Variants in PTAFR observed in about 807,000 individuals in gnomAD.
PTAFR encodes the protein platelet activating factor receptor.
A neutral mutation model predicts 14.7 loss-of-function variants in PTAFR; 8 were observed. The observed-to-expected ratio is 0.54, with a 90% CI of 0.32 to 0.98. The LOEUF is 0.98. Ranked by LOEUF, PTAFR falls within the 50% of genes least tolerant of loss-of-function variation. The pLI is 0.04. For synonymous variants in PTAFR, 156 were observed against 176.5 expected (o/e 0.88, Z 0.92); for missense variants, 337 against 451.2 (o/e 0.75, Z 2.29).
chr1:28,177,348 C>G (rs1572046208), upstream of PTAFR, among the ~76,000 whole-genome samples: 2 of 152,114 alleles, frequency 1.3e-5, no homozygotes, highest in East Asian at 3.9e-4. Context: ...GCAGGGCCTC[C>G]CTGGAGACCA....
intron 1 of PTAFR, among the ~76,000 whole-genome samples, chr1:28,164,741 C>A (rs1421739848): frequency 2.0e-5 from 3 of 152,226 alleles, no homozygotes; most frequent in African/African-American, 7.2e-5. Context: ...CTGCTAGAAG[C>A]AAACTGCTCC....
intron 1 of PTAFR, among the ~76,000 whole-genome samples, chr1:28,170,147 T>C (rs752476645): frequency 2.6e-5 from 4 of 152,182 alleles, no homozygotes; most frequent in Non-Finnish European, 5.9e-5. Flanking sequence ...TGCATTATCA[T>C]AGCTGTTGAT....
intron 1 of PTAFR, among the ~76,000 whole-genome samples, chr1:28,159,837 A>G (rs926691859): frequency 4.6e-5 from 7 of 151,906 alleles, no homozygotes; most frequent in Non-Finnish European, 8.8e-5. Context: ...AAAAAAAAAA[A>G]AAGAAGTTTG....
In PTAFR at chr1:28,183,419, AGGCTG is replaced by A. The variant is rs1223781133; in HGVS notation, c.-39+10298_-39+10302del. Among the ~76,000 whole-genome samples, 3 of 152,344 alleles carry A rather than the reference AGGCTG, an allele frequency of 2.0e-5. No homozygotes were observed. The East Asian group carries it at 5.8e-4, about 29-fold the overall frequency. ...AAGAATAAATTAAATATTATAAGTA[AGGCTG>A]GGCACAGTGTCTCACGCCTATAAAA... On this transcript the variant is annotated intron_variant, in intron 1 of 1. Coordinates refer to the PTAFR transcript ENST00000305392.
At chr1:28,192,558 CAAAAAAAAA>C (rs375926757) in intron 1 of PTAFR, among the ~76,000 whole-genome samples, 1 of 56,302 alleles carries the variant, frequency 1.8e-5, no homozygotes, top group East Asian at 7.1e-4. Context: ...AACTCCGTCT[CAAAAAAAAA>C]AAAAAAAAAA....
At chr1:28,188,789 T>C (rs1032251732) in intron 1 of PTAFR, among the ~76,000 whole-genome samples, 2 of 151,682 alleles carry the variant, frequency 1.3e-5, no homozygotes, top group African/African-American at 4.8e-5. Context: ...ATTTGCAACA[T>C]ATATAACAAA....
chr1:28,169,593 C>G (rs912016513), intron 1 of PTAFR, among the ~76,000 whole-genome samples: 1 of 152,168 alleles, frequency 6.6e-6, no homozygotes, highest in Non-Finnish European at 1.5e-5. Context: ...AGAACCACAG[C>G]CAAGCATGTC....
intron 1 of PTAFR, among the ~76,000 whole-genome samples, chr1:28,161,629 G>A (rs886459000): frequency 6.6e-6 from 1 of 152,178 alleles, no homozygotes. Flanking sequence ...TTACAGGCAT[G>A]AGCCACTGCA....
At chr1:28,158,283 G>C (rs1393076474) in intron 1 of PTAFR, among the ~76,000 whole-genome samples, 2 of 152,190 alleles carry the variant, frequency 1.3e-5, no homozygotes, top group African/African-American at 4.8e-5. Flanking sequence ...AGGAATAACA[G>C]GCACAGGGGA....
rs60163878 is a variant in PTAFR at position 28,192,203 on chromosome 1, T to C, written c.-39+1519A>G. Reference sequence around the variant, plus strand: ...AGTTTCTTAACCTCTCTGAGCCTATTTCCATAGTTGTAAAATGAAGATAAT... The same window carrying C: ...AGTTTCTTAACCTCTCTGAGCCTATCTCCATAGTTGTAAAATGAAGATAAT... On this transcript the variant is annotated intron_variant, in intron 1 of 1. Transcript: ENST00000305392. 2.0e-3 allele frequency among the ~76,000 whole-genome samples: 312 copies of C among 152,276 alleles called. 1 individual carries two copies. The highest frequency in any genetic ancestry group is 7.3e-3 in the African/African-American group (303 of 41,562).
At chr1:28,173,307 G>T (rs1324564421) in intron 1 of PTAFR, among the ~76,000 whole-genome samples, 3 of 92,466 alleles carry the variant, frequency 3.2e-5, no homozygotes, top group South Asian at 5.0e-4. Flanking sequence ...AAGGGGGGGG[G>T]GTGTGCGGGG....
intron 1 of PTAFR, among the ~76,000 whole-genome samples, chr1:28,155,603 G>A (rs1319026317): frequency 1.3e-5 from 2 of 152,112 alleles, no homozygotes; most frequent in East Asian, 1.9e-4. Context: ...CTTGGCTCAC[G>A]GCTGTAATCT....
intron 1 of PTAFR, 124 bp from the exon 2 acceptor site, chr1:28,151,183 CT>C (rs375423491): frequency 0.15 from 67,596 of 459,852 alleles, 13 homozygotes; most frequent in South Asian, 0.18. Context: ...CATGTTGAAT[CT>C]TTTTTTTTTT....
chr1:28,168,125 ATTTTTTT>A (rs139930851), intron 1 of PTAFR, among the ~76,000 whole-genome samples: 3 of 126,528 alleles, frequency 2.4e-5, no homozygotes, highest in African/African-American at 9.3e-5. Context: ...CACCCGGCTA[ATTTTTTT>A]TTTTTTTTTT....
At chr1:28,165,986 A>G (rs74741742) in intron 1 of PTAFR, among the ~76,000 whole-genome samples, 4,919 of 152,296 alleles carry the variant, frequency 0.032, 273 homozygotes, top group African/African-American at 0.11. Flanking sequence ...TGAAACCTCA[A>G]AGGACAACAA....
upstream of PTAFR, among the ~76,000 whole-genome samples, chr1:28,179,808 C>T (rs774815232): frequency 2.6e-5 from 4 of 151,260 alleles, no homozygotes; most frequent in East Asian, 1.9e-4. Context: ...CACTGCACTC[C>T]AGCCTGGGTG....
In PTAFR at chr1:28,184,153, C is replaced by T. The variant is rs553600218; in HGVS notation, c.-39+9569G>A. On this transcript the variant is annotated intron_variant, in intron 1 of 1. Transcript: ENST00000305392. Reference sequence around the variant, plus strand: ...TGTCACCCAGGCTGGAGTGCAGTAGCGTGATCTCAGCTCACTCCAACCTCC... The same window carrying T: ...TGTCACCCAGGCTGGAGTGCAGTAGTGTGATCTCAGCTCACTCCAACCTCC... Among the ~76,000 whole-genome samples the T allele has an allele frequency of 2.7e-4, 36 of 131,344 alleles. 1 individual carries two copies. Among genetic ancestry groups the T allele is most frequent in the Non-Finnish European group, 3.7e-4 (24 of 64,774 alleles). 86.2% of individuals were successfully genotyped at this position (131,344 alleles called of 152,430 possible). A position where few individuals can be genotyped will look rare whatever the true frequency, so the allele number is the denominator to read the frequency against.
At chr1:28,182,434 G>A (rs1278520593) in intron 1 of PTAFR, among the ~76,000 whole-genome samples, 2 of 151,792 alleles carry the variant, frequency 1.3e-5, no homozygotes, top group East Asian at 3.9e-4. Flanking sequence ...CCAGCACTTT[G>A]GGAGGTCCAG....
intron 1 of PTAFR, among the ~76,000 whole-genome samples, chr1:28,169,044 A>G (rs1223638057): frequency 2.6e-5 from 4 of 152,190 alleles, no homozygotes; most frequent in Admixed American, 6.5e-5. Flanking sequence ...CTAGAGATCT[A>G]TTATACAACA....
Sources: allele counts gnomAD v4.1 joint callset (sites outside exome capture counted in the v4.1 genomes callset), GRCh38; gene constraint gnomAD v4.1.1; transcripts MANE v1.5; gene names NCBI Gene and HGNC (gene_info 2026-07-23, HGNC 2026-07-21).